ARHGEF17: variants seen among roughly 807,000 people sequenced by gnomAD.
ARHGEF17 encodes the protein Rho guanine nucleotide exchange factor 17, also known as 164 kDa Rho-specific guanine-nucleotide exchange factor.
A neutral mutation model predicts 174.0 loss-of-function variants in ARHGEF17; 80 were observed. The ratio of observed to expected loss-of-function variants is 0.46; its 90% CI spans 0.38 to 0.55. ARHGEF17 has a LOEUF of 0.55. Ranked by LOEUF, ARHGEF17 falls within the 20% of genes least tolerant of loss-of-function variation. The pLI, the probability that ARHGEF17 is intolerant of heterozygous loss-of-function variation, is 0.00. For synonymous variants in ARHGEF17, 1,311 were observed against 1,189.1 expected (o/e 1.10, Z -2.11); for missense variants, 2,886 against 2,839.7 (o/e 1.02, Z -0.37).
At chr11:73,351,054 G>A (rs2134414087) in intron 2 of ARHGEF17, among the ~76,000 whole-genome samples, 1 of 152,280 alleles carries the variant, frequency 6.6e-6, no homozygotes. Context: ...TGGGGTGCCG[G>A]GACCCTGAGG....
At chr11:73,345,139 T>A (rs1322217817) in intron 1 of ARHGEF17, among the ~76,000 whole-genome samples, 2 of 152,198 alleles carry the variant, frequency 1.3e-5, no homozygotes, top group Admixed American at 1.3e-4. Context: ...CATCCTACAG[T>A]GAGCCTTGCT....
chr11:73,364,125 C>T (rs758365171), intron 16 of ARHGEF17, 47 bp from the exon 17 acceptor site: 8 of 1,601,496 alleles, frequency 5.0e-6, no homozygotes, highest in South Asian at 1.1e-5. Flanking sequence ...GGGTGACCCA[C>T]TTTGGCTGCC....
Position 73,362,520 on chromosome 11 carries a change from G to A in ARHGEF17, c.4782G>A (p.Glu1594=). Residue 1594 remains glutamate (E), a synonymous_variant, in exon 14 of 21, where the codon GAG becomes GAA. Coordinates refer to ENST00000263674, the MANE Select transcript of ARHGEF17 (RefSeq NM_014786.4). The part of the protein sequence containing the change: ...PELDVEAAAD[E]EAATLAEPGP... ...TGGACGTCGAGGCCGCTGCAGACGA[G>A]GAAGCCGCGACGCTCGCGGAGCCGG... The A allele has an allele frequency of 6.2e-7, 1 of 1,605,252 alleles. No individual in the cohort carries two copies. The highest frequency in any genetic ancestry group is 8.5e-7 in the Non-Finnish European group (1 of 1,178,094).
At position 73,352,873 on chromosome 11, in the gene ARHGEF17, G is replaced by C. The variant is rs1865578385; in HGVS notation, c.3314G>C (p.Cys1105Ser). 6.2e-7 allele frequency: 1 copy of C among 1,613,994 alleles called. No homozygotes were observed. Among genetic ancestry groups the C allele is most frequent in the South Asian group, 1.1e-5 (1 of 91,088 alleles). The change falls in exon 3 of 21, where the codon TGT becomes TCT. Residue 1105 changes from cysteine (C) to serine (S), a missense_variant. By Grantham distance (112) the Cys-to-Ser change is moderately radical (BLOSUM62 -1). Transcript: ENST00000263674. The stretch of plus-strand genomic sequence containing the variant: ...AAGCAGCCAGAGAACTCCGTGCTCT[G>C]TGACCCTTCACTGGTGGACGAGATC... The part of the protein sequence containing the change: ...PLKQPENSVL[C>S]DPSLVDEIFD...
rs61749196 is a variant in ARHGEF17 at position 73,362,453 on chromosome 11, G to A, written c.4715G>A (p.Arg1572Lys). The change falls in exon 14 of 21, where the codon AGG becomes AAG. Residue 1572 changes from arginine to lysine, a missense_variant. Arg to Lys is a conservative substitution (Grantham distance 26). Coordinates refer to ENST00000263674, the MANE Select transcript of ARHGEF17 (RefSeq NM_014786.4). ...CGCAGGGAGCCTCCTCCGTCGCTGA[G>A]GAGTCCTCCAGAGACGGCACCGGAG... ...RCHREPPPSL[R>K]SPPETAPEPA... 3,358 of 1,576,432 alleles carry A rather than the reference G, an allele frequency of 2.1e-3. 1 individual carries two copies. Among genetic ancestry groups the A allele is most frequent in the Non-Finnish European group, 2.7e-3 (3,159 of 1,164,966 alleles).
rs770884813 is a variant in ARHGEF17, at chr11:73,360,296, A to C, written c.4207-24A>C. 7 of 1,611,972 alleles carry C rather than the reference A, an allele frequency of 4.3e-6. No homozygotes were observed. In the East Asian group the frequency reaches 1.6e-4, roughly 36 times the overall value. ...GGCTCTGGTGAGATGCTGGGGCCTG[A>C]GGCCTGGGCCCTCTTCCCCACAGAG... On this transcript the variant is annotated intron_variant, in intron 10 of 20. Transcript: ENST00000263674.
At chr11:73,316,706 G>T (rs1402617914) in intron 1 of ARHGEF17, among the ~76,000 whole-genome samples, 1 of 152,246 alleles carries the variant, frequency 6.6e-6, no homozygotes, top group African/African-American at 2.4e-5. Flanking sequence ...GGGTGAGGAA[G>T]ATCATGTAGG....
chr11:73,357,100 AAGTC>A lies in ARHGEF17; in HGVS notation c.3970_3973del (p.Ser1324AlafsTer8). The A allele has an allele frequency of 6.2e-7, 1 of 1,614,170 alleles. No individual in the cohort carries two copies. Among genetic ancestry groups the A allele is most frequent in the Non-Finnish European group, 8.5e-7 (1 of 1,180,028 alleles). The stretch of plus-strand genomic sequence containing the variant: ...CATCGTCTGCACCACTCTGAAGCGA[AAGTC>A]AGGCTCCCTGCGGCGCAGCTCCATG... On this transcript the variant is annotated frameshift_variant, in exon 8 of 21. Coordinates refer to ENST00000263674, the MANE Select transcript of ARHGEF17 (RefSeq NM_014786.4). LOFTEE classifies it high-confidence loss of function.
intron 1 of ARHGEF17, among the ~76,000 whole-genome samples, chr11:73,315,624 A>G (rs1436922007): frequency 6.6e-6 from 1 of 152,098 alleles, no homozygotes; most frequent in Non-Finnish European, 1.5e-5. Flanking sequence ...AATATCTATA[A>G]TTAAATGTCT....
intron 16 of ARHGEF17, 45 bp downstream of exon 16, chr11:73,363,878 A>C: frequency 6.3e-7 from 1 of 1,576,284 alleles, no homozygotes; most frequent in Non-Finnish European, 8.7e-7. Context: ...CTTCTCAGCC[A>C]CACGTGCAGG....
At chr11:73,355,328 C>T (rs1234257883) in intron 3 of ARHGEF17, among the ~76,000 whole-genome samples, 1 of 152,216 alleles carries the variant, frequency 6.6e-6, no homozygotes, top group African/African-American at 2.4e-5. Context: ...ATAATATGAG[C>T]ACTCGTATAT....
chr11:73,309,596 TCAG>T lies in ARHGEF17; in HGVS notation c.962_964del (p.Ala321del). On this transcript the variant is annotated inframe_deletion, in exon 1 of 21. Coordinates refer to ENST00000263674, the MANE Select transcript of ARHGEF17 (RefSeq NM_014786.4). ...TGGGTTAAATCTAAGCAGCATGAAC[TCAG>T]CAGGGGTTTCTGGGAGCCCTGAGCC... 2 of 1,612,838 alleles carry T rather than the reference TCAG, an allele frequency of 1.2e-6. No individual in the cohort carries two copies. Among genetic ancestry groups the T allele is most frequent in the African/African-American group, 1.3e-5 (1 of 75,032 alleles).
intron 1 of ARHGEF17, among the ~76,000 whole-genome samples, chr11:73,325,929 T>A (rs913542202): frequency 1.3e-5 from 2 of 152,270 alleles, no homozygotes; most frequent in Non-Finnish European, 2.9e-5. Context: ...GGGTGTTCAC[T>A]GTCATTGGTG....
At position 73,367,894 on chromosome 11, in the gene ARHGEF17, C is replaced by G. The variant is rs1865868516; in HGVS notation, c.*114C>G. On this transcript the variant is annotated 3_prime_UTR_variant, in exon 21 of 21. Coordinates refer to ENST00000263674, the MANE Select transcript of ARHGEF17 (RefSeq NM_014786.4). ...GTATCCAGCCAGGGGCACACATGTGCCTGCGTGGGCTCTGCCTTGTCTTCG... is the reference window on the plus strand; with the variant it reads ...GTATCCAGCCAGGGGCACACATGTGGCTGCGTGGGCTCTGCCTTGTCTTCG... 2.7e-6 allele frequency: 3 copies of G among 1,129,690 alleles called. No individual in the cohort carries two copies. The African/African-American group carries it at 4.6e-5, about 17-fold the overall frequency. 70.0% of individuals were successfully genotyped at this position (1,129,690 alleles called of 1,614,324 possible). A position where few individuals can be genotyped will look rare whatever the true frequency, so the allele number is the denominator to read the frequency against.
In ARHGEF17 at chr11:73,367,716, G is replaced by A; in HGVS notation, c.6128G>A (p.Gly2043Asp). The A allele has an allele frequency of 1.2e-6, 2 of 1,613,958 alleles. No homozygotes were observed. Among genetic ancestry groups the A allele is most frequent in the Middle Eastern group, 1.6e-4 (1 of 6,062 alleles). Residue 2043 changes from glycine to aspartate, a missense_variant, in exon 21 of 21, where the codon GGC (glycine) becomes GAC (aspartate). Physicochemically the swap from Gly to Asp is moderately conservative, Grantham distance 94 (BLOSUM62 -1). This residue lies in a region of ARHGEF17 where 329 missense variants were observed against 435.2 expected (regional missense o/e 0.76). Coordinates refer to ENST00000263674, the MANE Select transcript of ARHGEF17 (RefSeq NM_014786.4). ...GACTTCCGACTCAGCAGTGGGGGCG[G>A]CAGCAGCAGTGAGACTGTGGGTCGA... ...YEDFRLSSGG[G>D]SSSETVGRDD... is the part of the protein sequence containing the mutation.
chr11:73,355,900 G>T lies in ARHGEF17; in HGVS notation c.3610G>T (p.Asp1204Tyr). ...GAACAAGGAGAAGCAGGCGCTGTCT[G>T]ACCTCATGATCAAGCCTGTGCAGCG... ...RENKEKQALS[D>Y]LMIKPVQRIP... Residue 1204 changes from aspartate (D) to tyrosine (Y), a missense_variant, in exon 5 of 21, where the codon GAC becomes TAC. This residue lies in a region of ARHGEF17 where 353 missense variants were observed against 470.3 expected (regional missense o/e 0.75). Coordinates refer to ENST00000263674, the MANE Select transcript of ARHGEF17 (RefSeq NM_014786.4). 1 of 1,614,174 alleles carries T rather than the reference G, an allele frequency of 6.2e-7. No individual in the cohort carries two copies. The highest frequency in any genetic ancestry group is 1.1e-5 in the South Asian group (1 of 91,062).
At position 73,309,097 on chromosome 11, in the gene ARHGEF17, C is replaced by T. The variant is rs1217633762; in HGVS notation, c.459C>T (p.Pro153=). The T allele has an allele frequency of 1.3e-6, 2 of 1,551,394 alleles. No homozygotes were observed. Among genetic ancestry groups the T allele is most frequent in the Non-Finnish European group, 8.7e-7 (1 of 1,152,142 alleles). The change falls in exon 1 of 21, where the codon CCC becomes CCT. Residue 153 remains proline (P), a synonymous_variant. Coordinates refer to ENST00000263674, the MANE Select transcript of ARHGEF17 (RefSeq NM_014786.4). Reference sequence around the variant, plus strand: ...CTGAATCCCCAGGAACGCCCAGCCCCGACGGTGCCGCGTGGGAGCCTCCGG... The same window carrying T: ...CTGAATCCCCAGGAACGCCCAGCCCTGACGGTGCCGCGTGGGAGCCTCCGG... ...ADSESPGTPS[P]DGAAWEPPAR...
At position 73,308,962 on chromosome 11, in the gene ARHGEF17, C is replaced by A; in HGVS notation, c.324C>A (p.Pro108=). 7.3e-7 allele frequency: 1 copy of A among 1,363,018 alleles called. No individual in the cohort carries two copies. Among genetic ancestry groups the A allele is most frequent in the Non-Finnish European group, 9.4e-7 (1 of 1,063,476 alleles). 84.4% of individuals were successfully genotyped at this position (1,363,018 alleles called of 1,614,324 possible). ...GGACCCGAGACGGAGGCGTCTTACC[C>A]GCGGCCGCGGAAGAAGCGGCCGAGG... ...SAGTRDGGVL[P]AAAEEAAEGP... The change falls in exon 1 of 21, where the codon CCC becomes CCA. Residue 108 remains proline (P), a synonymous_variant. Coordinates refer to ENST00000263674, the MANE Select transcript of ARHGEF17 (RefSeq NM_014786.4).
At chr11:73,358,895 G>A (rs995494326) in intron 9 of ARHGEF17, among the ~76,000 whole-genome samples, 2 of 152,082 alleles carry the variant, frequency 1.3e-5, no homozygotes, top group East Asian at 1.9e-4. Context: ...GCCATCCACC[G>A]GGCACACACT....
Sources: allele counts gnomAD v4.1 joint callset (sites outside exome capture counted in the v4.1 genomes callset), GRCh38; gene constraint gnomAD v4.1.1; regional missense constraint gnomAD v4.1.1; transcripts MANE v1.5; gene names NCBI Gene and HGNC (gene_info 2026-07-23, HGNC 2026-07-21).